Variants in TLE2 observed in about 807,000 individuals in gnomAD.
The protein encoded by TLE2 is TLE family member 2, transcriptional corepressor, also known as transducin-like enhancer protein 2.
TLE2 carries 74 observed loss-of-function variants against 97.2 expected under a neutral mutation model. The ratio of observed to expected loss-of-function variants is 0.76; its 90% CI spans 0.63 to 0.92. TLE2 has a LOEUF of 0.92. Ranked by LOEUF, TLE2 falls within the 40% of genes least tolerant of loss-of-function variation. The probability of loss-of-function intolerance (pLI) is 0.00; values close to 1 mark genes in which losing one functional copy is unlikely to be tolerated. For missense variants in TLE2, 1,038 were observed against 1,008.7 expected, an observed-to-expected ratio of 1.03 and a Z score of -0.39; for synonymous variants, 499 against 432.1, an observed-to-expected ratio of 1.15 and a Z score of -1.92.
intron 1 of TLE2, among the ~76,000 whole-genome samples, chr19:3,044,055 C>T (rs1264264433): frequency 1.3e-5 from 2 of 151,834 alleles, no homozygotes; most frequent in African/African-American, 2.4e-5. Context: ...TCCCTGTAAT[C>T]GCAGCTGCTT....
At chr19:3,009,033 T>C in intron 13 of TLE2, 88 bp from the exon 14 acceptor site, 3 of 1,052,772 alleles carry the variant, frequency 2.8e-6, no homozygotes, top group Non-Finnish European at 4.1e-6. Context: ...TACCCCTCTC[T>C]GTTTATCACC....
chr19:3,032,764 A>G (rs2090034993), upstream of TLE2, among the ~76,000 whole-genome samples: 2 of 151,842 alleles, frequency 1.3e-5, no homozygotes. This position sits in a 1 kb window ranked among gnomAD's most constrained non-coding sequence, Gnocchi z 4.1. Context: ...CGCTGTCAAG[A>G]GTCCGTGATT....
chr19:3,015,504 T>C (rs1259732527), intron 9 of TLE2, 149 bp downstream of exon 9: 2 of 628,692 alleles, frequency 3.2e-6, no homozygotes, highest in South Asian at 1.9e-5. Context: ...GGATCTCCTC[T>C]GATTGGTCAG....
intron 14 of TLE2, among the ~76,000 whole-genome samples, chr19:3,008,026 G>A (rs1412451926): frequency 2.0e-5 from 3 of 152,160 alleles, no homozygotes; most frequent in African/African-American, 4.8e-5. Flanking sequence ...AGGTTGCAGT[G>A]AGCTCAGATC....
chr19:3,008,320 C>T (rs879410419), intron 14 of TLE2, among the ~76,000 whole-genome samples: 5 of 152,188 alleles, frequency 3.3e-5, no homozygotes, highest in African/African-American at 4.8e-5. Context: ...AGGCCAGGAA[C>T]GTCTCCTCCC....
intron 13 of TLE2, 46 bp downstream of exon 13, chr19:3,009,496 C>T (rs762156090): frequency 1.9e-6 from 3 of 1,545,374 alleles, no homozygotes; most frequent in Middle Eastern, 2.1e-4. Flanking sequence ...GGCCCCCAGC[C>T]CCTGGGCCCT....
At chr19:3,003,404 G>A (rs1392971940) in intron 17 of TLE2, among the ~76,000 whole-genome samples, 1 of 152,124 alleles carries the variant, frequency 6.6e-6, no homozygotes, top group Non-Finnish European at 1.5e-5. Flanking sequence ...GTGGGAGGCC[G>A]AGGCGGGCGG....
chr19:3,031,531 T>C (rs1164682833), upstream of TLE2, among the ~76,000 whole-genome samples: 2 of 152,150 alleles, frequency 1.3e-5, no homozygotes, highest in Non-Finnish European at 2.9e-5. Context: ...GGTCTCACTG[T>C]GTTGCCCAGG....
intron 11 of TLE2, among the ~76,000 whole-genome samples, chr19:3,012,581 C>G (rs533744108): frequency 6.6e-6 from 1 of 152,266 alleles, no homozygotes; most frequent in African/African-American, 2.4e-5. Flanking sequence ...AGAGGCAGAC[C>G]CCACAGCGGC....
chr19:3,026,942 T>G (rs1487879480), intron 4 of TLE2, among the ~76,000 whole-genome samples: 1 of 149,756 alleles, frequency 6.7e-6, no homozygotes, highest in Non-Finnish European at 1.5e-5. Context: ...GAGGTCTATC[T>G]CAGAACCCTG....
At chr19:3,015,932 CTCTCT>C (rs2089693722) in intron 8 of TLE2, 172 bp from the exon 9 acceptor site, 1 of 695,014 alleles carries the variant, frequency 1.4e-6, no homozygotes. Context: ...AGGTTTTGTT[CTCTCT>C]TCTGTTTTGT....
chr19:3,010,838 C>T (rs903850395), intron 12 of TLE2, among the ~76,000 whole-genome samples, 184 bp downstream of exon 12: 7 of 152,164 alleles, frequency 4.6e-5, no homozygotes, highest in African/African-American at 7.2e-5. Flanking sequence ...TTTCCCTACC[C>T]GCCGAGCTGA....
At position 3,028,975 on chromosome 19, in the gene TLE2, G is replaced by C; in HGVS notation, c.-71C>G. On this transcript the variant is annotated 5_prime_UTR_variant, in exon 1 of 20. Coordinates refer to ENST00000262953, the MANE Select transcript of TLE2 (RefSeq NM_003260.5). ...TATGGAGGCGGCAAGAGTGGGGGAG[G>C]CTGAAGTGGGGTGGTGGGGAGGCTG... The C allele has an allele frequency of 6.3e-7, 1 of 1,576,228 alleles. No homozygotes were observed. The highest frequency in any genetic ancestry group is 1.8e-5 in the Admixed American group (1 of 55,538).
At chr19:3,017,736 G>T in intron 8 of TLE2, 104 bp downstream of exon 8, 1 of 1,110,932 alleles carries the variant, frequency 9.0e-7, no homozygotes, top group Non-Finnish European at 1.3e-6. Flanking sequence ...AAAGGCGTGA[G>T]CCACCATGAT....
upstream of TLE2, among the ~76,000 whole-genome samples, chr19:3,046,913 CTCCT>C (rs1393669164): frequency 2.3e-5 from 3 of 131,322 alleles, no homozygotes; most frequent in Non-Finnish European, 5.0e-5. Context: ...CCTCCTCCCT[CTCCT>C]CCTCCCCCTC....
rs765260863 is a variant in TLE2 at position 3,002,425 on chromosome 19, C to G, written c.1975G>C (p.Val659Leu). Residue 659 changes from valine (V) to leucine (L), a missense_variant, in exon 18 of 20, where the codon GTC (valine) becomes CTC (leucine). Physicochemically the swap from Val to Leu is conservative, Grantham distance 32 (BLOSUM62 1). Transcript: ENST00000262953. ...MESSNVEILHVRKPEKYQLHL... is the reference protein window; with the variant it reads ...MESSNVEILHLRKPEKYQLHL... ...AGCTGGTATTTCTCCGGCTTGCGGA[C>G]GTGCAGGATCTCCACGTTGCTACTC... 1.9e-6 allele frequency: 3 copies of G among 1,613,322 alleles called. No individual in the cohort carries two copies. Among genetic ancestry groups the G allele is most frequent in the Non-Finnish European group, 1.7e-6 (2 of 1,179,698 alleles).
rs781200533 is a variant in TLE2, at chr19:3,028,800, G to A, written c.28C>T (p.Pro10Ser). 8 of 1,612,462 alleles carry A rather than the reference G, an allele frequency of 5.0e-6. No individual in the cohort carries two copies. Among genetic ancestry groups the A allele is most frequent in the East Asian group, 2.2e-5 (1 of 44,866 alleles). The change falls in exon 2 of 20, where the codon CCG becomes TCG. Residue 10 changes from proline (P) to serine (S), a missense_variant. Transcript: ENST00000262953. ...TTGAAGGGCTGGCCGGACTGGAGCG[G>A]GGTCTGGGGGGGGTGTGGGGGAAAC... is the stretch of plus-strand genomic sequence containing the variant. MYPQGRHPT[P>S]LQSGQPFKFS...
At chr19:3,044,011 A>G (rs1228268658) in intron 1 of TLE2, among the ~76,000 whole-genome samples, 4 of 151,226 alleles carry the variant, frequency 2.6e-5, no homozygotes, top group Non-Finnish European at 5.9e-5. Flanking sequence ...CAACAACAAC[A>G]AAAATACAAA....
Position 3,006,534 on chromosome 19 carries a change from C to T in TLE2, c.1386G>A (p.Ala462=), listed in dbSNP as rs763659822. The change falls in exon 15 of 20, where the codon GCG becomes GCA. Residue 462 remains alanine (A), a synonymous_variant. Transcript: ENST00000262953. ...GCTGTGTGGAGCCGCTGATGGTGAC[C>T]GCGCAGACCACCTCGCCATGGGCCA... ...HTLAHGEVVC[A]VTISGSTQHV... The T allele has an allele frequency of 1.7e-5, 27 of 1,606,726 alleles. No individual in the cohort carries two copies. The highest frequency in any genetic ancestry group is 6.8e-5 in the Admixed American group (4 of 59,076).
Sources: gnomAD v4.1 joint callset for allele counts (sites outside exome capture counted in the v4.1 genomes callset) on GRCh38, gnomAD v4.1.1 for gene constraint, Gnocchi (gnomAD v3.1) non-coding constraint, MANE v1.5 for transcripts, NCBI Gene and HGNC (gene_info 2026-07-23, HGNC 2026-07-21) for gene names.